RPH3A: variants seen among roughly 807,000 people sequenced by gnomAD.
The protein encoded by RPH3A is rabphilin 3A.
In RPH3A, 48 loss-of-function variants were observed where a neutral mutation model predicts 102.2. The observed-to-expected ratio is 0.47, with a 90% CI of 0.37 to 0.60. The LOEUF (loss-of-function observed/expected upper bound fraction) is 0.60. RPH3A is among the 20% of genes least tolerant of loss of function. The pLI is 0.00. For synonymous variants in RPH3A, 310 were observed against 324.3 expected, an observed-to-expected ratio of 0.96 and a Z score of 0.47; for missense variants, 781 against 910.1, an observed-to-expected ratio of 0.86 and a Z score of 1.83.
At chr12:112,713,311 A>G (rs772906432) in intron 1 of RPH3A, among the ~76,000 whole-genome samples, 49 of 151,972 alleles carry the variant, frequency 3.2e-4, no homozygotes, top group Non-Finnish European at 6.3e-4. Flanking sequence ...AATAAAGTAT[A>G]CTTATCCTTC....
At position 112,712,211 on chromosome 12, in the gene RPH3A, A is replaced by G. The variant is rs116708137; in HGVS notation, c.-139-79932A>G. Among the ~76,000 whole-genome samples the G allele has an allele frequency of 4.7e-3, 722 of 152,294 alleles. 5 individuals are homozygous for G. Among genetic ancestry groups the G allele is most frequent in the African/African-American group, 0.016 (684 of 41,554 alleles). ...TTAATTGGAGTTAAAGAAAACACAC[A>G]CACGCATGCACGCACGCAGGCACGC... On this transcript the variant is annotated intron_variant, in intron 1 of 21. Coordinates refer to the RPH3A transcript ENST00000543106.
intron 1 of RPH3A, among the ~76,000 whole-genome samples, chr12:112,616,908 C>G (rs893254185): frequency 9.2e-5 from 14 of 152,226 alleles, no homozygotes; most frequent in Non-Finnish European, 2.1e-4. Context: ...GCTGGGAGAA[C>G]AGACTTTATC....
chr12:112,670,421 G>C (rs1345491363), intron 1 of RPH3A, among the ~76,000 whole-genome samples: 1 of 152,126 alleles, frequency 6.6e-6, no homozygotes, highest in African/African-American at 2.4e-5. Context: ...GACCTCAGGA[G>C]TTCTGCCTTG....
intron 10 of RPH3A, 41 bp downstream of exon 10, chr12:112,870,080 G>C (rs1593107790): frequency 1.3e-6 from 2 of 1,567,146 alleles, no homozygotes; most frequent in Non-Finnish European, 1.7e-6. Context: ...TCTCTGGATA[G>C]GGAGACTCAA....
chr12:112,806,604 G>C (rs1265191735), intron 2 of RPH3A, among the ~76,000 whole-genome samples: 2 of 151,880 alleles, frequency 1.3e-5, no homozygotes, highest in African/African-American at 2.4e-5. Context: ...ACTCCAGCCT[G>C]GGTGACAGAG....
At chr12:112,660,085 C>T (rs1414447852) in intron 1 of RPH3A, among the ~76,000 whole-genome samples, 5 of 152,040 alleles carry the variant, frequency 3.3e-5, no homozygotes, top group Non-Finnish European at 5.9e-5. Context: ...TATATAAGCA[C>T]ACATACATAT....
In RPH3A at chr12:112,868,605, A is replaced by G; in HGVS notation, c.610+10A>G. On this transcript the variant is annotated intron_variant, in intron 8 of 21. Transcript: ENST00000389385. ...CGGGCTCCAGCTCGAGGTAGGACAA[A>G]ACAGGTGCTTCTTTCAGGACCAAGG... 3 of 1,612,322 alleles carry G rather than the reference A, an allele frequency of 1.9e-6. No individual in the cohort carries two copies. The highest frequency in any genetic ancestry group is 2.5e-6 in the Non-Finnish European group (3 of 1,179,072).
chr12:112,890,920 G>C lies in RPH3A; in HGVS notation c.1692G>C (p.Gln564His), dbSNP rs548204045. Reference protein sequence around the residue: ...ILVSLMYSTQQGGLIVGIIRC... With the variant: ...ILVSLMYSTQHGGLIVGIIRC... Reference sequence around the variant, plus strand: ...TCTCCCTCATGTACAGCACACAGCAGGGAGGCCTCATTGTGGGCATCATAC... The same window carrying C: ...TCTCCCTCATGTACAGCACACAGCACGGAGGCCTCATTGTGGGCATCATAC... Residue 564 changes from glutamine to histidine, a missense_variant, in exon 19 of 22, where the codon CAG (glutamine) becomes CAC (histidine). Physicochemically the swap from Gln to His is conservative, Grantham distance 24. Coordinates refer to ENST00000389385, the MANE Select transcript of RPH3A (RefSeq NM_001143854.2). 2 of 1,614,100 alleles carry C rather than the reference G, an allele frequency of 1.2e-6. No individual in the cohort carries two copies. Among genetic ancestry groups the C allele is most frequent in the Admixed American group, 3.3e-5 (2 of 59,998 alleles).
intron 1 of RPH3A, among the ~76,000 whole-genome samples, chr12:112,582,606 C>T (rs889781024): frequency 1.4e-5 from 2 of 143,386 alleles, no homozygotes; most frequent in Non-Finnish European, 3.0e-5. Context: ...ACCACCATGT[C>T]CAGCTAGCTT....
intron 1 of RPH3A, among the ~76,000 whole-genome samples, chr12:112,770,474 T>C (rs947971000): frequency 5.9e-5 from 9 of 152,064 alleles, no homozygotes; most frequent in African/African-American, 1.2e-4. Context: ...GCCTCCTGAG[T>C]AGCTGGGACT....
chr12:112,894,095 A>G, intron 19 of RPH3A: 1 of 167,890 alleles, frequency 6.0e-6, no homozygotes, highest in Admixed American at 6.4e-5. Context: ...GTGGAGTGAC[A>G]ATAATCAGAT....
chr12:112,806,449 A>T (rs111238272), intron 2 of RPH3A, among the ~76,000 whole-genome samples: 3,366 of 152,206 alleles, frequency 0.022, 110 homozygotes, highest in African/African-American at 0.076. Flanking sequence ...AGTTTGGCCA[A>T]CACGGTGAAA....
At chr12:112,681,892 C>T (rs1193460153) in intron 1 of RPH3A, among the ~76,000 whole-genome samples, 3 of 152,270 alleles carry the variant, frequency 2.0e-5, no homozygotes, top group South Asian at 2.1e-4. Flanking sequence ...GGATAAATAT[C>T]GACATTTTTT....
rs1461479267 is a variant in RPH3A at position 112,828,323 on chromosome 12, C to G, written c.5C>G (p.Thr2Ser). The G allele has an allele frequency of 6.2e-7, 1 of 1,611,474 alleles. No individual in the cohort carries two copies. The highest frequency in any genetic ancestry group is 8.5e-7 in the Non-Finnish European group (1 of 1,178,794). The change falls in exon 3 of 22, where the codon ACT becomes AGT. Residue 2 changes from threonine (T) to serine (S), a missense_variant. Physicochemically the swap from Thr to Ser is moderately conservative, Grantham distance 58. This residue lies in a region of RPH3A where 730 missense variants were observed against 810.0 expected (regional missense o/e 0.90). Transcript: ENST00000389385. ...CAGGAGCACTAGACATCTACTATGA[C>G]TGACACCGTGTTCAGCAACAGTTCT... MTDTVFSNSSNR... is the reference protein window; with the variant it reads MSDTVFSNSSNR...
chr12:112,591,251 A>G (rs1272981972), intron 1 of RPH3A, among the ~76,000 whole-genome samples: 2 of 151,032 alleles, frequency 1.3e-5, no homozygotes, highest in African/African-American at 4.9e-5. Context: ...ACACCCAGAT[A>G]ATTAAAAAAA....
At chr12:112,891,554 G>A (rs1001008365) in intron 19 of RPH3A, among the ~76,000 whole-genome samples, 1 of 152,226 alleles carries the variant, frequency 6.6e-6, no homozygotes, top group Non-Finnish European at 1.5e-5. Context: ...CCCATTCCAG[G>A]AAGTCTGCAG....
intron 1 of RPH3A, among the ~76,000 whole-genome samples, chr12:112,758,023 T>A (rs1271330583): frequency 1.3e-5 from 2 of 152,116 alleles, no homozygotes; most frequent in African/African-American, 4.8e-5. Flanking sequence ...TGGCCCAGAA[T>A]TACCCACCCT....
intron 4 of RPH3A, among the ~76,000 whole-genome samples, chr12:112,844,360 G>T (rs1461276617): frequency 6.6e-6 from 1 of 152,194 alleles, no homozygotes; most frequent in African/African-American, 2.4e-5. Flanking sequence ...GGCAGCCTCT[G>T]GTAGCTGGGG....
Position 112,879,203 on chromosome 12 carries a change from GT to G in RPH3A, c.1251+6del. The G allele has an allele frequency of 6.2e-7, 1 of 1,613,096 alleles. No homozygotes were observed. The highest frequency in any genetic ancestry group is 8.5e-7 in the Non-Finnish European group (1 of 1,179,360). On this transcript the variant is annotated splice_donor_region_variant and intron_variant, in intron 14 of 21. Transcript: ENST00000389385. ...TGCACCATCATTAAGGCCAAGGTGG[GT>G]GATGGGGACCATGCAGGGAACCTCT... is the stretch of plus-strand genomic sequence containing the variant.
Sources: gnomAD v4.1 joint callset for allele counts (sites outside exome capture counted in the v4.1 genomes callset) on GRCh38, gnomAD v4.1.1 for gene constraint, gnomAD v4.1.1 regional missense constraint, MANE v1.5 for transcripts, NCBI Gene and HGNC (gene_info 2026-07-23, HGNC 2026-07-21) for gene names.